CALN1: variants seen among roughly 807,000 people sequenced by gnomAD.
The protein encoded by CALN1 is calcium-binding protein 8.
In CALN1, 17 loss-of-function variants were observed where a neutral mutation model predicts 30.6. That is an observed-to-expected ratio of 0.56 (90% CI 0.38 to 0.83). The LOEUF (loss-of-function observed/expected upper bound fraction) is 0.83, where lower values mean the gene tolerates loss of function less well. Among genes scored for constraint, CALN1 ranks in the 40% least tolerant of loss-of-function variants. CALN1 has a pLI of 0.00. For missense variants in CALN1, 291 were observed against 354.9 expected (o/e 0.82, Z 1.45); for synonymous variants, 156 against 131.4 (o/e 1.19, Z -1.28).
intron 3 of CALN1, among the ~76,000 whole-genome samples, chr7:72,185,854 TC>T (rs1242285160): frequency 1.3e-5 from 2 of 152,274 alleles, no homozygotes; most frequent in African/African-American, 4.8e-5. Context: ...CTCTTTGCCT[TC>T]CCCCATGATT....
At chr7:72,113,060 G>A (rs1380233207) in intron 3 of CALN1, among the ~76,000 whole-genome samples, 2 of 152,106 alleles carry the variant, frequency 1.3e-5, no homozygotes, top group Non-Finnish European at 2.9e-5. Flanking sequence ...AGAGATGAGA[G>A]TGGAGAATTG....
chr7:71,945,973 C>T (rs1001009404), intron 5 of CALN1, among the ~76,000 whole-genome samples: 3 of 152,148 alleles, frequency 2.0e-5, no homozygotes, highest in Middle Eastern at 6.3e-3. Flanking sequence ...GCAGAGACGA[C>T]CTGGGCAGGC....
the CALN1 span, among the ~76,000 whole-genome samples, chr7:72,485,313 C>A: frequency 1.3e-5 from 2 of 152,164 alleles, no homozygotes; most frequent in Admixed American, 1.3e-4. Flanking sequence ...AATCCCAACA[C>A]TTTGGGAGGC....
intron 3 of CALN1, among the ~76,000 whole-genome samples, chr7:72,243,784 G>A (rs969854794): frequency 6.6e-6 from 1 of 152,170 alleles, no homozygotes; most frequent in African/African-American, 2.4e-5. Context: ...TGGCCCGAAG[G>A]AAAGAACTCA....
chr7:71,799,737 A>C (rs1210864771), intron 6 of CALN1, among the ~76,000 whole-genome samples: 1 of 152,016 alleles, frequency 6.6e-6, no homozygotes, highest in African/African-American at 2.4e-5. Flanking sequence ...CAACCTCCCA[A>C]AGTGCTGGGA....
chr7:72,120,182 A>G (rs1808280424), intron 3 of CALN1, among the ~76,000 whole-genome samples: 1 of 152,132 alleles, frequency 6.6e-6, no homozygotes, highest in South Asian at 2.1e-4. Context: ...CCCAAAATGT[A>G]TATAGAAAAA....
At chr7:72,312,861 G>A (rs981920924) in intron 2 of CALN1, among the ~76,000 whole-genome samples, 8 of 151,100 alleles carry the variant, frequency 5.3e-5, no homozygotes, top group Non-Finnish European at 7.4e-5. Flanking sequence ...GAGATACACA[G>A]TCTCATTCTG....
intron 5 of CALN1, among the ~76,000 whole-genome samples, chr7:71,847,808 AAGGAGAAGG>A (rs1453795625): frequency 1.8e-5 from 1 of 56,068 alleles, no homozygotes; most frequent in African/African-American, 6.8e-5. Flanking sequence ...AGAAGAAAAG[AAGGAGAAGG>A]AGAAGGAGAA....
chr7:71,927,548 T>G (rs1795331595), intron 5 of CALN1, among the ~76,000 whole-genome samples: 1 of 152,162 alleles, frequency 6.6e-6, no homozygotes, highest in Non-Finnish European at 1.5e-5. Flanking sequence ...TTGGATGGGG[T>G]ATGTGTTGCA....
chr7:71,867,779 CT>C (rs1791677978), intron 5 of CALN1, among the ~76,000 whole-genome samples: 1 of 152,076 alleles, frequency 6.6e-6, no homozygotes, highest in Non-Finnish European at 1.5e-5. Context: ...GTTTGGTTTT[CT>C]TTTTAACCAT....
intron 3 of CALN1, among the ~76,000 whole-genome samples, chr7:72,249,946 C>CAA (rs386410444): frequency 0.28 from 32,348 of 116,822 alleles, 6,526 homozygotes; most frequent in East Asian, 0.85. Flanking sequence ...CAAAACAAAC[C>CAA]AAAAAAAAAA....
At chr7:71,820,389 G>C (rs1473422239) in intron 5 of CALN1, among the ~76,000 whole-genome samples, 9 of 152,164 alleles carry the variant, frequency 5.9e-5, no homozygotes, top group Non-Finnish European at 1.5e-5. Flanking sequence ...GGTGTAGGCT[G>C]ACCACCTTGG....
intron 5 of CALN1, among the ~76,000 whole-genome samples, chr7:71,983,564 G>A (rs1422141581): frequency 6.6e-6 from 1 of 151,720 alleles, no homozygotes. Context: ...GGAATTTTGC[G>A]AGTGTTGCCG....
At chr7:72,024,794 T>A (rs921559875) in intron 4 of CALN1, among the ~76,000 whole-genome samples, 1 of 152,174 alleles carries the variant, frequency 6.6e-6, no homozygotes, top group Non-Finnish European at 1.5e-5. Context: ...AACCTTTGCA[T>A]AAAATACAAG....
intron 3 of CALN1, among the ~76,000 whole-genome samples, chr7:72,264,471 T>C (rs1443476855): frequency 2.0e-5 from 3 of 151,688 alleles, no homozygotes; most frequent in African/African-American, 7.3e-5. Context: ...GCTACAACAC[T>C]TCCTGCTCAA....
chr7:72,190,389 G>T (rs1307806956), intron 3 of CALN1, among the ~76,000 whole-genome samples: 2 of 152,148 alleles, frequency 1.3e-5, no homozygotes, highest in Non-Finnish European at 2.9e-5. Context: ...TCTGCTGCAT[G>T]AACACTGAGA....
intron 4 of CALN1, among the ~76,000 whole-genome samples, chr7:72,055,011 A>G (rs911176956): frequency 1.3e-4 from 20 of 152,244 alleles, no homozygotes; most frequent in African/African-American, 4.8e-4. Context: ...GAGGACAGGA[A>G]TTCCAAAGAA....
chr7:72,202,255 T>C lies in CALN1; in HGVS notation c.244+76431A>G, dbSNP rs1465034496. ...GATATTAAGAATACACTTGAGAAGT[T>C]CTCCAAGAATGTAGAGGAAAAGGAT... On this transcript the variant is annotated intron_variant, in intron 3 of 6. Coordinates refer to ENST00000395275, the MANE Select transcript of CALN1 (RefSeq NM_031468.4). 3.3e-5 allele frequency among the ~76,000 whole-genome samples: 5 copies of C among 152,096 alleles called. No homozygotes were observed. In the East Asian group the frequency reaches 7.7e-4, roughly 23 times the overall value.
chr7:72,324,831 G>A (rs573449781), intron 2 of CALN1, among the ~76,000 whole-genome samples: 15 of 150,804 alleles, frequency 9.9e-5, no homozygotes, highest in Non-Finnish European at 1.5e-4. Flanking sequence ...TGATCCACCC[G>A]CTTCAGCCTC....
Sources: gnomAD v4.1 joint callset for allele counts (sites outside exome capture counted in the v4.1 genomes callset) on GRCh38, gnomAD v4.1.1 for gene constraint, MANE v1.5 for transcripts, NCBI Gene and HGNC (gene_info 2026-07-23, HGNC 2026-07-21) for gene names.